The following ZBBX variants were observed in gnomAD, a reference collection of about 807,000 sequenced individuals.
ZBBX encodes the protein zinc finger B-box domain-containing protein 1.
ZBBX carries 101 observed loss-of-function variants against 108.5 expected under a neutral mutation model. That is an observed-to-expected ratio of 0.93 (90% CI 0.79 to 1.10). The LOEUF is 1.10. ZBBX is among the 50% of genes least tolerant of loss of function. The probability of loss-of-function intolerance (pLI) is 0.00; values close to 1 mark genes in which losing one functional copy is unlikely to be tolerated. For missense variants in ZBBX, 1,009 were observed against 941.4 expected (o/e 1.07, Z -0.94); for synonymous variants, 356 against 323.4 (o/e 1.10, Z -1.08).
In ZBBX at chr3:167,317,561, A is replaced by G; in HGVS notation, c.1020T>C (p.Asp340=). The G allele has an allele frequency of 1.9e-6, 3 of 1,610,714 alleles. No individual in the cohort carries two copies. The highest frequency in any genetic ancestry group is 1.1e-5 in the South Asian group (1 of 90,674). The change falls in exon 13 of 22, where the codon GAT becomes GAC. Residue 340 remains aspartate, a synonymous_variant. Coordinates refer to ENST00000675490, the MANE Select transcript of ZBBX (RefSeq NM_001199201.2). ...TGGTTTCATGTGGATGTGGGAACGT[A>G]TCTGGTAGCATTTTAAAAAGTTGCT... ...PQEQLFKMLP[D]TFPHPHETTG... is the part of the protein sequence containing the mutation.
intron 20 of ZBBX, among the ~76,000 whole-genome samples, chr3:167,275,396 C>G (rs956907614): frequency 6.6e-6 from 1 of 152,142 alleles, no homozygotes; most frequent in Non-Finnish European, 1.5e-5. Context: ...GAGTGCCAGA[C>G]AGTGGGCGCA....
At chr3:167,260,062 A>C (rs777805815) in intron 20 of ZBBX, among the ~76,000 whole-genome samples, 2 of 152,162 alleles carry the variant, frequency 1.3e-5, no homozygotes, top group African/African-American at 2.4e-5. Flanking sequence ...GTTTGTCTGA[A>C]AAAGATTGTA....
In ZBBX at chr3:167,315,805, C is replaced by A. The variant is rs753382844; in HGVS notation, c.1219G>T (p.Ala407Ser). 4.4e-6 allele frequency: 7 copies of A among 1,606,156 alleles called. No homozygotes were observed. The Admixed American group carries it at 5.0e-5, about 12-fold the overall frequency. Reference sequence around the variant, plus strand: ...ACTTTGTAAGGCACAATATTTTCTGCTTCTTCAAATTCCTCTTCATAAGTC... The same window carrying A: ...ACTTTGTAAGGCACAATATTTTCTGATTCTTCAAATTCCTCTTCATAAGTC... The part of the protein sequence containing the change: ...DDTYEEEFEE[A>S]ENIVPYKVKL... Residue 407 changes from alanine to serine, a missense_variant, in exon 15 of 22, where the codon GCA becomes TCA. Coordinates refer to ENST00000675490, the MANE Select transcript of ZBBX (RefSeq NM_001199201.2).
intron 20 of ZBBX, among the ~76,000 whole-genome samples, chr3:167,277,845 G>A (rs1484455518): frequency 6.6e-6 from 1 of 151,994 alleles, no homozygotes; most frequent in African/African-American, 2.4e-5. Context: ...CCACATACTT[G>A]GAAGTAAAGC....
At chr3:167,212,838 G>A in the ZBBX span, among the ~76,000 whole-genome samples, 1 of 152,242 alleles carries the variant, frequency 6.6e-6, no homozygotes, top group East Asian at 1.9e-4. Context: ...AAATACAGAG[G>A]AGTCACAGAA....
chr3:167,222,814 G>A, the ZBBX span, among the ~76,000 whole-genome samples: 3 of 151,242 alleles, frequency 2.0e-5, no homozygotes, highest in African/African-American at 7.3e-5. Context: ...TGGGCTAGTG[G>A]GATAGAGAGA....
chr3:167,249,272 A>T (rs1049409587), intron 20 of ZBBX, among the ~76,000 whole-genome samples: 3 of 152,218 alleles, frequency 2.0e-5, no homozygotes, highest in Admixed American at 1.3e-4. Context: ...CTGAGGCCCC[A>T]TAAGTGTAGG....
the ZBBX span, among the ~76,000 whole-genome samples, chr3:167,210,969 TG>T: frequency 6.6e-6 from 1 of 151,950 alleles, no homozygotes; most frequent in Non-Finnish European, 1.5e-5. Context: ...ATAAATCATC[TG>T]GGGGGAGTGG....
intron 1 of ZBBX, among the ~76,000 whole-genome samples, chr3:167,406,195 C>T (rs539080053): frequency 2.1e-4 from 32 of 152,282 alleles, no homozygotes; most frequent in Non-Finnish European, 3.7e-4. Flanking sequence ...ATAAGCAGTA[C>T]TGTCTGTGTG....
intron 9 of ZBBX, among the ~76,000 whole-genome samples, chr3:167,337,599 C>T (rs1037273187): frequency 7.9e-5 from 12 of 152,108 alleles, no homozygotes; most frequent in Non-Finnish European, 1.2e-4. Context: ...TGGTACAAAT[C>T]TGGTTTATAG....
At chr3:167,300,303 T>C (rs1229523387) in intron 17 of ZBBX, among the ~76,000 whole-genome samples, 3 of 152,094 alleles carry the variant, frequency 2.0e-5, no homozygotes, top group African/African-American at 7.2e-5. Flanking sequence ...AAAGGCAAGC[T>C]TTACCTAACA....
At chr3:167,254,889 A>AGAGAGAGAGAGAATGAGAGG (rs1278574906) in intron 20 of ZBBX, among the ~76,000 whole-genome samples, 2,533 of 150,400 alleles carry the variant, frequency 0.017, 76 homozygotes, top group African/African-American at 0.058. Context: ...TGTGTGTGTG[A>AGAGAGAGAGAGAATGAGAGG]GAGAGAGAGA....
At chr3:167,318,262 T>A (rs1468120873) in intron 12 of ZBBX, among the ~76,000 whole-genome samples, 1 of 151,990 alleles carries the variant, frequency 6.6e-6, no homozygotes, top group Non-Finnish European at 1.5e-5. Context: ...TTCCATACCA[T>A]GCAAGTTCAT....
At chr3:167,203,239 C>T in the ZBBX span, among the ~76,000 whole-genome samples, 3 of 152,190 alleles carry the variant, frequency 2.0e-5, no homozygotes, top group Non-Finnish European at 4.4e-5. Flanking sequence ...CATGACCTCT[C>T]GTCTGTGTGC....
downstream of ZBBX, among the ~76,000 whole-genome samples, chr3:167,239,730 G>T (rs141486082): frequency 6.6e-6 from 1 of 152,030 alleles, no homozygotes; most frequent in African/African-American, 2.4e-5. Flanking sequence ...GCTGTGCAAA[G>T]GGATGGTGCC....
chr3:167,354,160 GT>G (rs918625786), intron 8 of ZBBX, among the ~76,000 whole-genome samples: 4 of 151,464 alleles, frequency 2.6e-5, no homozygotes, highest in African/African-American at 9.7e-5. Context: ...AATATCTTGT[GT>G]TTTTTTTAAC....
intron 20 of ZBBX, among the ~76,000 whole-genome samples, chr3:167,252,407 A>G (rs957193681): frequency 1.3e-5 from 2 of 152,192 alleles, no homozygotes; most frequent in African/African-American, 4.8e-5. Flanking sequence ...TCATTGACGC[A>G]AAACAGGGTA....
chr3:167,264,329 C>T (rs184521744), intron 20 of ZBBX, among the ~76,000 whole-genome samples: 1 of 152,254 alleles, frequency 6.6e-6, no homozygotes, highest in East Asian at 1.9e-4. Context: ...ATTTTCTCTG[C>T]TGGTATGCTT....
chr3:167,394,503 T>C (rs913145914), intron 1 of ZBBX, among the ~76,000 whole-genome samples: 1 of 151,852 alleles, frequency 6.6e-6, no homozygotes, highest in African/African-American at 2.4e-5. Context: ...AAGTAGAAAA[T>C]AACAATTGAC....
Sources: gnomAD v4.1 joint callset for allele counts (sites outside exome capture counted in the v4.1 genomes callset) on GRCh38, gnomAD v4.1.1 for gene constraint, MANE v1.5 for transcripts, NCBI Gene and HGNC (gene_info 2026-07-23, HGNC 2026-07-21) for gene names.